Variants in DNTT observed in about 807,000 individuals in gnomAD.
DNTT encodes DNA nucleotidylexotransferase, also known as nucleosidetriphosphate:DNA deoxynucleotidylexotransferase.
Under a neutral mutation model 60.9 loss-of-function variants are expected in DNTT, and 47 were observed. The observed-to-expected ratio is 0.77, with a 90% CI of 0.61 to 0.98. The LOEUF is 0.98. Among genes scored for constraint, DNTT ranks in the 50% least tolerant of loss-of-function variants. DNTT has a pLI of 0.00. For missense variants in DNTT, 665 were observed against 627.5 expected (o/e 1.06, Z -0.64); for synonymous variants, 224 against 221.2 (o/e 1.01, Z -0.11).
At chr10:96,308,287 T>G (rs981515560) in intron 1 of DNTT, among the ~76,000 whole-genome samples, 3 of 152,216 alleles carry the variant, frequency 2.0e-5, no homozygotes, top group Admixed American at 2.0e-4. Flanking sequence ...GGTGGAGCTT[T>G]GCTAACATTT....
Position 96,327,555 on chromosome 10 carries a change from C to T in DNTT, c.962C>T (p.Ala321Val), listed in dbSNP as rs772512026. ...VSVLVKEAVW[A>V]FLPDAFVTMT... ...GTGCTGGTTAAAGAGGCTGTCTGGGCATTTCTTCCGGATGCTTTCGTCACC... is the reference window on the plus strand; with the variant it reads ...GTGCTGGTTAAAGAGGCTGTCTGGGTATTTCTTCCGGATGCTTTCGTCACC... The change falls in exon 7 of 11, where the codon GCA becomes GTA. Residue 321 changes from alanine to valine, a missense_variant. Physicochemically the swap from Ala to Val is moderately conservative, Grantham distance 64. Transcript: ENST00000371174. The T allele has an allele frequency of 1.9e-6, 3 of 1,614,026 alleles. No individual in the cohort carries two copies. The highest frequency in any genetic ancestry group is 2.5e-6 in the Non-Finnish European group (3 of 1,179,964).
intron 1 of DNTT, among the ~76,000 whole-genome samples, chr10:96,315,465 C>T (rs1844775756): frequency 6.6e-6 from 1 of 152,002 alleles, no homozygotes; most frequent in Non-Finnish European, 1.5e-5. Flanking sequence ...GCTTATTGAA[C>T]AGGAAGTGGG....
At chr10:96,318,573 A>G in intron 2 of DNTT, 47 bp downstream of exon 2, 1 of 1,594,682 alleles carries the variant, frequency 6.3e-7, no homozygotes, top group South Asian at 1.1e-5. Flanking sequence ...TTGATGGTTA[A>G]GAACATAGGC....
rs571640510 is a variant in DNTT at position 96,312,353 on chromosome 10, C to A, written c.204-5999C>A. The stretch of plus-strand genomic sequence containing the variant: ...CATCTGAGAGTGCTGGTGACTGATT[C>A]AACCAGTAAGGTACAGTGGAAATGA... On this transcript the variant is annotated intron_variant, in intron 1 of 10. Coordinates refer to ENST00000371174, the MANE Select transcript of DNTT (RefSeq NM_004088.4). Among the ~76,000 whole-genome samples, 6 of 152,298 alleles carry A rather than the reference C, an allele frequency of 3.9e-5. No homozygotes were observed. The South Asian group carries it at 1.0e-3, about 26-fold the overall frequency.
chr10:96,319,456 A>T lies in DNTT; in HGVS notation c.507+66A>T, dbSNP rs181998869. The stretch of plus-strand genomic sequence containing the variant: ...CTTGCAGCTTCTTTCTGTGGACCGC[A>T]AATTAAATTATAAATTTTTCTGAAA... On this transcript the variant is annotated intron_variant, in intron 3 of 10. Transcript: ENST00000371174. 1.8e-4 allele frequency: 293 copies of T among 1,590,990 alleles called. 1 individual carries two copies. Among genetic ancestry groups the T allele is most frequent in the Non-Finnish European group, 1.9e-4 (217 of 1,168,548 alleles).
rs144108612 is a variant in DNTT at position 96,325,242 on chromosome 10, A to G, written c.874+853A>G. Among the ~76,000 whole-genome samples, 38 of 152,340 alleles carry G rather than the reference A, an allele frequency of 2.5e-4. No homozygotes were observed. In the East Asian group the frequency reaches 7.3e-3, roughly 29 times the overall value. On this transcript the variant is annotated intron_variant, in intron 6 of 10. Transcript: ENST00000371174. ...CCATAGTCCCTACTCATTTTTTGTAAAGTTGCTAATCTTTGAAAGATTGCT... is the reference window on the plus strand; with the variant it reads ...CCATAGTCCCTACTCATTTTTTGTAGAGTTGCTAATCTTTGAAAGATTGCT...
chr10:96,335,304 G>T (rs1845053923), intron 9 of DNTT, among the ~76,000 whole-genome samples: 1 of 152,188 alleles, frequency 6.6e-6, no homozygotes, highest in Non-Finnish European at 1.5e-5. Context: ...AGGAGCAGTT[G>T]ACTTAGACGA....
At chr10:96,314,679 T>A (rs1240340998) in intron 1 of DNTT, among the ~76,000 whole-genome samples, 2 of 152,052 alleles carry the variant, frequency 1.3e-5, no homozygotes. Flanking sequence ...CCCAAAGTGC[T>A]GGGATTACAG....
At chr10:96,324,137 T>G (rs1220660177) in intron 5 of DNTT, 129 bp from the exon 6 acceptor site, 5 of 1,287,118 alleles carry the variant, frequency 3.9e-6, no homozygotes, top group Non-Finnish European at 5.3e-6. Context: ...GCTCGTTATA[T>G]TCAGGAGAAA....
At chr10:96,317,265 C>T (rs1246988584) in intron 1 of DNTT, among the ~76,000 whole-genome samples, 2 of 152,162 alleles carry the variant, frequency 1.3e-5, no homozygotes, top group African/African-American at 4.8e-5. Flanking sequence ...GTCACTTGAC[C>T]TCTCTGTTCC....
chr10:96,313,760 C>T (rs1844749775), intron 1 of DNTT, among the ~76,000 whole-genome samples: 1 of 152,200 alleles, frequency 6.6e-6, no homozygotes, highest in African/African-American at 2.4e-5. Context: ...GCCTTGAGCC[C>T]CATCCCATCT....
chr10:96,319,521 C>A lies in DNTT; in HGVS notation c.507+131C>A, dbSNP rs145076478. On this transcript the variant is annotated intron_variant, in intron 3 of 10. Transcript: ENST00000371174. ...TCCTCCCACCTACCTGCAGCCCTAG[C>A]CTGATCTCTGATCCTTCTATCCTTC... 4.8e-4 allele frequency: 621 copies of A among 1,285,448 alleles called. 2 individuals carry two copies. The African/African-American group carries it at 6.6e-3, about 14-fold the overall frequency. The allele number at this position is 1,285,448 out of a possible 1,614,324, so 79.6% of individuals were successfully genotyped here.
In DNTT at chr10:96,319,329, A is replaced by AG. The variant is rs1487822991; in HGVS notation, c.447dup (p.Ile150AspfsTer16). 2 of 1,613,822 alleles carry AG rather than the reference A, an allele frequency of 1.2e-6. No homozygotes were observed. Among genetic ancestry groups the AG allele is most frequent in the Non-Finnish European group, 1.7e-6 (2 of 1,179,836 alleles). ...AAGACTCCACCAATTGCTGTACAAA[A>AG]GATCTCCCAGTATGCGTGTCAGAGA... On this transcript the variant is annotated frameshift_variant, in exon 3 of 11. Coordinates refer to ENST00000371174, the MANE Select transcript of DNTT (RefSeq NM_004088.4). LOFTEE classifies it high-confidence loss of function.
rs750548338 is a variant in DNTT, at chr10:96,324,327, T to C, written c.812T>C (p.Phe271Ser). The C allele has an allele frequency of 1.9e-6, 3 of 1,613,754 alleles. No homozygotes were observed. Among genetic ancestry groups the C allele is most frequent in the Non-Finnish European group, 2.5e-6 (3 of 1,179,662 alleles). The change falls in exon 6 of 11, where the codon TTC (phenylalanine) becomes TCC (serine). Residue 271 changes from phenylalanine (F) to serine (S), a missense_variant. Transcript: ENST00000371174. Reference sequence around the variant, plus strand: ...TCTGAGAAGTGGTTCAGGATGGGTTTCAGAACTCTGAGTAAAGTAAGGTCG... The same window carrying C: ...TCTGAGAAGTGGTTCAGGATGGGTTCCAGAACTCTGAGTAAAGTAAGGTCG... ...KTSEKWFRMG[F>S]RTLSKVRSDK...
At chr10:96,320,017 T>C (rs1844847012) in intron 3 of DNTT, among the ~76,000 whole-genome samples, 1 of 152,230 alleles carries the variant, frequency 6.6e-6, no homozygotes, top group Admixed American at 6.5e-5. Flanking sequence ...AGTAGATCAA[T>C]ACAGAGCTTC....
At position 96,320,792 on chromosome 10, in the gene DNTT, A is replaced by T; in HGVS notation, c.678+4A>T. The T allele has an allele frequency of 6.2e-7, 1 of 1,613,364 alleles. No individual in the cohort carries two copies. The highest frequency in any genetic ancestry group is 1.3e-5 in the African/African-American group (1 of 74,994). ...CAAGGTGAAGGGTATCATAGAGGTA[A>T]GGGTGAAATGGGATTTGTCCCACTT... is the stretch of plus-strand genomic sequence containing the variant. On this transcript the variant is annotated splice_donor_region_variant and intron_variant, in intron 4 of 10. Coordinates refer to ENST00000371174, the MANE Select transcript of DNTT (RefSeq NM_004088.4).
At chr10:96,330,026 G>C (rs1844987906) in intron 8 of DNTT, among the ~76,000 whole-genome samples, 1 of 152,186 alleles carries the variant, frequency 6.6e-6, no homozygotes, top group Non-Finnish European at 1.5e-5. Context: ...AGAACATGCT[G>C]ATGTCAATAT....
chr10:96,323,338 G>T (rs1308901622), intron 5 of DNTT, among the ~76,000 whole-genome samples: 1 of 151,954 alleles, frequency 6.6e-6, no homozygotes, highest in Non-Finnish European at 1.5e-5. Context: ...CATCATGAGA[G>T]CCCCACTCTC....
intron 1 of DNTT, among the ~76,000 whole-genome samples, chr10:96,312,899 T>C (rs1293045579): frequency 6.6e-6 from 1 of 152,198 alleles, no homozygotes; most frequent in African/African-American, 2.4e-5. Context: ...CATTCATTCA[T>C]TCATCTATCC....
Sources: allele counts gnomAD v4.1 joint callset (sites outside exome capture counted in the v4.1 genomes callset), GRCh38; gene constraint gnomAD v4.1.1; transcripts MANE v1.5; gene names NCBI Gene and HGNC (gene_info 2026-07-23, HGNC 2026-07-21).